Variants in SIPA1L1 observed in about 807,000 individuals in gnomAD.
SIPA1L1 encodes signal induced proliferation associated 1 like 1.
In SIPA1L1, 26 loss-of-function variants were observed where a neutral mutation model predicts 162.7. The ratio of observed to expected loss-of-function variants is 0.16; its 90% confidence interval spans 0.12 to 0.22. The LOEUF (loss-of-function observed/expected upper bound fraction) is 0.22, where lower values mean the gene tolerates loss of function less well. Ranked by LOEUF, SIPA1L1 falls within the 10% of genes least tolerant of loss-of-function variation. The pLI is 1.00. For synonymous variants in SIPA1L1, 829 were observed against 837.4 expected, an observed-to-expected ratio of 0.99 and a Z score of 0.17; for missense variants, 1,874 against 2,241.0, an observed-to-expected ratio of 0.84 and a Z score of 3.31.
chr14:71,560,439 A>T (rs966208157), intron 4 of SIPA1L1, among the ~76,000 whole-genome samples: 47 of 152,164 alleles, frequency 3.1e-4, no homozygotes, highest in African/African-American at 1.1e-3. Flanking sequence ...GGTACCATGT[A>T]CTCCAGGAGG....
chr14:71,594,654 C>A (rs899920832), intron 5 of SIPA1L1, among the ~76,000 whole-genome samples: 1 of 152,100 alleles, frequency 6.6e-6, no homozygotes, highest in Non-Finnish European at 1.5e-5. Flanking sequence ...TTATTTTCTG[C>A]CAAAATGAAT....
chr14:71,682,888 T>C (rs1226275674), intron 12 of SIPA1L1, among the ~76,000 whole-genome samples: 1 of 152,250 alleles, frequency 6.6e-6, no homozygotes, highest in African/African-American at 2.4e-5. Flanking sequence ...GCACAGTGGC[T>C]CATGCCTGGA....
chr14:71,330,542 A>G, intron 2 of SIPA1L1: 1 of 1,461,630 alleles, frequency 6.8e-7, no homozygotes, highest in Non-Finnish European at 9.6e-7. Flanking sequence ...TTGGAGATGA[A>G]GATGCCTAGC....
chr14:71,520,700 T>C (rs368075218), intron 3 of SIPA1L1, among the ~76,000 whole-genome samples: 1 of 152,236 alleles, frequency 6.6e-6, no homozygotes, highest in African/African-American at 2.4e-5. Context: ...TCATTACTTT[T>C]ATTGTTACAG....
At chr14:71,702,226 C>A in intron 14 of SIPA1L1, 155 bp from the exon 15 acceptor site, 1 of 705,964 alleles carries the variant, frequency 1.4e-6, no homozygotes, top group South Asian at 1.8e-5. Flanking sequence ...TCCACACCCA[C>A]GTAAACACGA....
intron 2 of SIPA1L1, among the ~76,000 whole-genome samples, chr14:71,488,722 TG>T (rs1284035936): frequency 3.3e-5 from 5 of 152,206 alleles, no homozygotes; most frequent in Admixed American, 6.5e-5. Context: ...GCTGTGAACT[TG>T]TACTTTGTGA....
chr14:71,671,730 C>G (rs745411993), intron 11 of SIPA1L1, 38 bp downstream of exon 11: 4 of 1,493,040 alleles, frequency 2.7e-6, no homozygotes, highest in Non-Finnish European at 3.6e-6. Flanking sequence ...TGCAGTTTCT[C>G]TTTCATAAAG....
At chr14:71,380,539 T>C (rs1402846354) in intron 2 of SIPA1L1, among the ~76,000 whole-genome samples, 5 of 152,228 alleles carry the variant, frequency 3.3e-5, no homozygotes, top group Admixed American at 6.5e-5. Flanking sequence ...GTTATCTGCC[T>C]TTGGCCTCTG....
chr14:71,392,849 C>T (rs1472542106), intron 2 of SIPA1L1, among the ~76,000 whole-genome samples: 1 of 152,212 alleles, frequency 6.6e-6, no homozygotes, highest in Non-Finnish European at 1.5e-5. Context: ...GCTTACTCCC[C>T]TAGACCATAA....
At chr14:71,378,513 G>T (rs981490490) in intron 2 of SIPA1L1, among the ~76,000 whole-genome samples, 1 of 152,140 alleles carries the variant, frequency 6.6e-6, no homozygotes, top group Non-Finnish European at 1.5e-5. Context: ...TGTGGTCAGA[G>T]AATATTTGTG....
chr14:71,581,740 G>T (rs1209718098), intron 4 of SIPA1L1, among the ~76,000 whole-genome samples: 1 of 152,118 alleles, frequency 6.6e-6, no homozygotes, highest in Non-Finnish European at 1.5e-5. Context: ...CTGATGGCAG[G>T]CATGGAAACT....
At chr14:71,457,796 C>T (rs1203692975) in intron 2 of SIPA1L1, among the ~76,000 whole-genome samples, 2 of 151,046 alleles carry the variant, frequency 1.3e-5, no homozygotes, top group African/African-American at 4.9e-5. Flanking sequence ...GGGGTTTCAC[C>T]ATGTTGCTCA....
At chr14:71,527,655 A>T (rs1306012015) in intron 3 of SIPA1L1, among the ~76,000 whole-genome samples, 2 of 152,174 alleles carry the variant, frequency 1.3e-5, no homozygotes, top group Non-Finnish European at 2.9e-5. Flanking sequence ...ATTAACTATA[A>T]TGAATACAGC....
intron 2 of SIPA1L1, among the ~76,000 whole-genome samples, chr14:71,397,601 G>T (rs918367408): frequency 6.6e-6 from 1 of 152,122 alleles, no homozygotes; most frequent in Non-Finnish European, 1.5e-5. Flanking sequence ...GCTGCTCACT[G>T]CCTGCAGGCT....
chr14:71,414,893 G>A (rs774773633), intron 2 of SIPA1L1, among the ~76,000 whole-genome samples: 2 of 151,988 alleles, frequency 1.3e-5, no homozygotes, highest in African/African-American at 4.8e-5. Context: ...AATTACAAAA[G>A]GATATTCTTT....
intron 20 of SIPA1L1, 79 bp downstream of exon 20, chr14:71,730,380 G>A (rs1211122374): frequency 1.3e-6 from 2 of 1,508,242 alleles, no homozygotes; most frequent in African/African-American, 1.4e-5. Context: ...CCACTCATGT[G>A]CTCAGAGAGG....
intron 2 of SIPA1L1, among the ~76,000 whole-genome samples, chr14:71,389,819 C>T (rs1184706756): frequency 6.6e-6 from 1 of 152,176 alleles, no homozygotes; most frequent in Non-Finnish European, 1.5e-5. Context: ...GACATGCAGA[C>T]TGTCAGTGTG....
chr14:71,720,396 C>T (rs2083615007), intron 17 of SIPA1L1, among the ~76,000 whole-genome samples: 2 of 152,068 alleles, frequency 1.3e-5, no homozygotes, highest in African/African-American at 2.4e-5. Flanking sequence ...TCCTGGCCAA[C>T]ATCGTGAAAT....
chr14:71,661,797 C>T (rs756072766), intron 10 of SIPA1L1, among the ~76,000 whole-genome samples: 7 of 152,104 alleles, frequency 4.6e-5, no homozygotes, highest in South Asian at 4.1e-4. Flanking sequence ...CAGAGAAGAA[C>T]GATTATAATA....
Sources: gnomAD v4.1 joint callset for allele counts (sites outside exome capture counted in the v4.1 genomes callset) on GRCh38, gnomAD v4.1.1 for gene constraint, MANE v1.5 for transcripts, NCBI Gene and HGNC (gene_info 2026-07-23, HGNC 2026-07-21) for gene names.